Variants in PCDHGB5 observed in about 807,000 individuals in gnomAD.
PCDHGB5 encodes protocadherin gamma subfamily B, 5.
In PCDHGB5, 48 loss-of-function variants were observed where a neutral mutation model predicts 62.9. The observed-to-expected ratio is 0.76, with a 90% CI of 0.61 to 0.97. The LOEUF (loss-of-function observed/expected upper bound fraction) is 0.97, where lower values mean the gene tolerates loss of function less well. Among genes scored for constraint, PCDHGB5 ranks in the 50% least tolerant of loss-of-function variants. The pLI is 0.00. For missense variants in PCDHGB5, 1,118 were observed against 1,198.6 expected (o/e 0.93, Z 0.99); for synonymous variants, 474 against 511.2 (o/e 0.93, Z 0.98).
intron 3 of PCDHGB5, among the ~76,000 whole-genome samples, chr5:141,506,484 C>T (rs1489425559): frequency 6.6e-6 from 1 of 150,566 alleles, no homozygotes; most frequent in Non-Finnish European, 1.5e-5. Context: ...GCTTTAGAGG[C>T]AGGCCAATCT....
chr5:141,427,726 T>G (rs2097061742), intron 1 of PCDHGB5: 1 of 1,155,034 alleles, frequency 8.7e-7, no homozygotes, highest in Non-Finnish European at 1.3e-6. Context: ...GACCTAGGGC[T>G]GAATGGCCAA....
chr5:141,485,118 G>C lies in PCDHGB5; in HGVS notation c.2398-9689G>C, dbSNP rs547390669. 1 of 1,331,536 alleles carries C rather than the reference G, an allele frequency of 7.5e-7. No homozygotes were observed. Among genetic ancestry groups the C allele is most frequent in the East Asian group, 2.3e-5 (1 of 43,534 alleles). The allele number at this position is 1,331,536 out of a possible 1,614,324, so 82.5% of individuals were successfully genotyped here. On this transcript the variant is annotated intron_variant, in intron 1 of 3. Coordinates refer to ENST00000617380, the MANE Select transcript of PCDHGB5 (RefSeq NM_018925.3). The surrounding 1 kb of genome is among the most constrained non-coding windows in gnomAD (Gnocchi z 5.7). ...TCTCCAGCTGCTGTGGCTGTTTGGG[G>C]CGGGTCGGCTTCATCCGCGTCTCAG...
At chr5:141,445,900 T>C (rs2098480876) in intron 1 of PCDHGB5, among the ~76,000 whole-genome samples, 1 of 152,224 alleles carries the variant, frequency 6.6e-6, no homozygotes, top group African/African-American at 2.4e-5. Flanking sequence ...TATTAAAATA[T>C]TTTAAACAAG....
Position 141,432,804 on chromosome 5 carries a change from C to T in PCDHGB5, c.2397+32280C>T, listed in dbSNP as rs1482036720. The T allele has an allele frequency of 1.2e-6, 2 of 1,614,182 alleles. No individual in the cohort carries two copies. Among genetic ancestry groups the T allele is most frequent in the Non-Finnish European group, 1.7e-6 (2 of 1,180,008 alleles). ...GACCTCGGCAGCCTCGAGTCTCCAG[C>T]TAACTCTGAAACCTCAGACCTCACT... is the stretch of plus-strand genomic sequence containing the variant. On this transcript the variant is annotated intron_variant, in intron 1 of 3. Transcript: ENST00000617380. This position sits in a 1 kb window ranked among gnomAD's most constrained non-coding sequence, Gnocchi z 6.0.
rs2093953035 is a variant in PCDHGB5, at chr5:141,400,059, T to C, written c.1932T>C (p.Asp644=). ...ARQRLLVAVR[D]GGQPPLSATA... ...AGCGCCTGCTGGTTGCTGTGCGTGA[T>C]GGTGGACAGCCGCCACTCTCCGCCA... The change falls in exon 1 of 4, where the codon GAT becomes GAC. Residue 644 remains aspartate (D), a synonymous_variant. Transcript: ENST00000617380. The C allele has an allele frequency of 1.2e-6, 2 of 1,613,750 alleles. No individual in the cohort carries two copies. Among genetic ancestry groups the C allele is most frequent in the South Asian group, 2.2e-5 (2 of 91,070 alleles).
chr5:141,490,045 C>T lies in PCDHGB5; in HGVS notation c.2398-4762C>T, dbSNP rs530803072. On this transcript the variant is annotated intron_variant, in intron 1 of 3. Transcript: ENST00000617380. The surrounding 1 kb of genome is among the most constrained non-coding windows in gnomAD (Gnocchi z 5.4). ...GCTGCTCCGCCTCAATGCCACTGAT[C>T]CAGACGAGGGCACCAACGGCCAACT... 1.2e-5 allele frequency: 19 copies of T among 1,614,114 alleles called. No individual in the cohort carries two copies. Among genetic ancestry groups the T allele is most frequent in the Admixed American group, 1.2e-4 (7 of 60,014 alleles).
chr5:141,502,866 CTTTT>C (rs549047197), intron 2 of PCDHGB5, among the ~76,000 whole-genome samples: 1 of 128,042 alleles, frequency 7.8e-6, no homozygotes. Context: ...GACTCTCTGT[CTTTT>C]TTTTTTTTTT....
chr5:141,405,353 A>G lies in PCDHGB5; in HGVS notation c.2397+4829A>G, dbSNP rs187461819. 6.9e-5 allele frequency: 112 copies of G among 1,614,026 alleles called. No homozygotes were observed. Among genetic ancestry groups the G allele is most frequent in the Admixed American group, 5.8e-4 (35 of 60,010 alleles). On this transcript the variant is annotated intron_variant, in intron 1 of 3. Coordinates refer to ENST00000617380, the MANE Select transcript of PCDHGB5 (RefSeq NM_018925.3). Reference sequence around the variant, plus strand: ...CGTCTCTGTTGATTCCAAGTTTCCTATAGAAGACACCCCTTTGGTTCCGGT... The same window carrying G: ...CGTCTCTGTTGATTCCAAGTTTCCTGTAGAAGACACCCCTTTGGTTCCGGT...
rs778052844 is a variant in PCDHGB5, at chr5:141,486,259, T to C, written c.2398-8548T>C. ...CAGAGCTTGGAACCCTCCCCGAGAG[T>C]GCAGAACCTGGCACTGTGGTGGCAC... is the stretch of plus-strand genomic sequence containing the variant. On this transcript the variant is annotated intron_variant, in intron 1 of 3. Coordinates refer to ENST00000617380, the MANE Select transcript of PCDHGB5 (RefSeq NM_018925.3). This position sits in a 1 kb window ranked among gnomAD's most constrained non-coding sequence, Gnocchi z 5.0. 1 of 1,613,204 alleles carries C rather than the reference T, an allele frequency of 6.2e-7. No individual in the cohort carries two copies. The highest frequency in any genetic ancestry group is 8.5e-7 in the Non-Finnish European group (1 of 1,179,716).
In PCDHGB5 at chr5:141,408,035, C is replaced by T. The variant is rs886766467; in HGVS notation, c.2397+7511C>T. On this transcript the variant is annotated intron_variant, in intron 1 of 3. Transcript: ENST00000617380. ...CAGCCAACAACAGAAAGAAGAAAAC[C>T]AGCTCCCACACAGAGCCTCCCGGCT... 7.1e-6 allele frequency: 8 copies of T among 1,130,910 alleles called. No homozygotes were observed. The African/African-American group carries it at 7.8e-5, about 11-fold the overall frequency. 70.1% of individuals were successfully genotyped at this position (1,130,910 alleles called of 1,614,324 possible).
chr5:141,483,007 C>G (rs938404755), intron 1 of PCDHGB5, among the ~76,000 whole-genome samples: 1 of 152,140 alleles, frequency 6.6e-6, no homozygotes, highest in South Asian at 2.1e-4. Flanking sequence ...ATTGCTTGAA[C>G]CCGGGAGGCA....
chr5:141,431,678 T>G lies in PCDHGB5; in HGVS notation c.2397+31154T>G. The G allele has an allele frequency of 6.2e-7, 1 of 1,614,084 alleles. No homozygotes were observed. Among genetic ancestry groups the G allele is most frequent in the Non-Finnish European group, 8.5e-7 (1 of 1,180,022 alleles). On this transcript the variant is annotated intron_variant, in intron 1 of 3. Transcript: ENST00000617380. This position sits in a 1 kb window ranked among gnomAD's most constrained non-coding sequence, Gnocchi z 4.8. ...AGGGACAATATCAACAATAGGGGAGTTGGACCACGAGGAGTCAGGATTCTA... is the reference window on the plus strand; with the variant it reads ...AGGGACAATATCAACAATAGGGGAGGTGGACCACGAGGAGTCAGGATTCTA...
chr5:141,433,359 C>CTATCTATCTATA, intron 1 of PCDHGB5: 1 of 228,708 alleles, frequency 4.4e-6, no homozygotes, highest in South Asian at 4.1e-5. Context: ...TACTGTCTGC[C>CTATCTATCTATA]TATCTATCTA....
At chr5:141,478,256 A>G in intron 1 of PCDHGB5, 6 of 1,614,126 alleles carry the variant, frequency 3.7e-6, no homozygotes, top group Non-Finnish European at 5.1e-6. Flanking sequence ...CGGAGTAATC[A>G]TATTCAAAGT....
chr5:141,419,698 G>A, intron 1 of PCDHGB5: 1 of 1,612,978 alleles, frequency 6.2e-7, no homozygotes, highest in Non-Finnish European at 8.5e-7. Context: ...AGGCCAGTGA[G>A]CCCGGGCTCT....
At chr5:141,438,631 TATATACAC>T (rs1213304454) in intron 1 of PCDHGB5, among the ~76,000 whole-genome samples, 683 of 43,114 alleles carry the variant, frequency 0.016, 2 homozygotes, top group African/African-American at 0.049. Context: ...TATATATATA[TATATACAC>T]ACACACACAC....
intron 1 of PCDHGB5, chr5:141,413,154 A>G: frequency 6.3e-7 from 1 of 1,576,026 alleles, no homozygotes; most frequent in Middle Eastern, 1.7e-4. Context: ...AGGACTTTGC[A>G]GAATTCTGTA....
Position 141,489,900 on chromosome 5 carries a change from A to T in PCDHGB5, c.2398-4907A>T. ...TTACTGCTGTGGATGGGGGGACCCC[A>T]GCCCGCTCAGGGACCACCCTTATCT... On this transcript the variant is annotated intron_variant, in intron 1 of 3. Coordinates refer to ENST00000617380, the MANE Select transcript of PCDHGB5 (RefSeq NM_018925.3). This position sits in a 1 kb window ranked among gnomAD's most constrained non-coding sequence, Gnocchi z 4.5. The T allele has an allele frequency of 6.2e-7, 1 of 1,614,254 alleles. No homozygotes were observed. The highest frequency in any genetic ancestry group is 8.5e-7 in the Non-Finnish European group (1 of 1,180,044).
chr5:141,437,756 T>A (rs1208576922), intron 1 of PCDHGB5, among the ~76,000 whole-genome samples: 1 of 151,718 alleles, frequency 6.6e-6, no homozygotes, highest in Non-Finnish European at 1.5e-5. Flanking sequence ...TTTTTTTTTT[T>A]GAGACAGAGT....
Sources: allele counts gnomAD v4.1 joint callset (sites outside exome capture counted in the v4.1 genomes callset), GRCh38; gene constraint gnomAD v4.1.1; non-coding constraint Gnocchi (gnomAD v3.1); transcripts MANE v1.5; gene names NCBI Gene and HGNC (gene_info 2026-07-23, HGNC 2026-07-21).